STAU2: variants seen among roughly 807,000 people sequenced by gnomAD.
STAU2 encodes the protein double-stranded RNA-binding protein Staufen homolog 2.
A neutral mutation model predicts 65.9 loss-of-function variants in STAU2; 20 were observed. That is an observed-to-expected ratio of 0.30 (90% CI 0.21 to 0.44). The LOEUF is 0.44. Ranked by LOEUF, STAU2 falls within the 20% of genes least tolerant of loss-of-function variation. The pLI is 1.00. For synonymous variants in STAU2, 232 were observed against 233.9 expected (o/e 0.99, Z 0.07); for missense variants, 558 against 683.9 (o/e 0.82, Z 2.05).
intron 12 of STAU2, among the ~76,000 whole-genome samples, chr8:73,582,429 T>C (rs950038652): frequency 1.3e-4 from 20 of 150,062 alleles, no homozygotes; most frequent in Non-Finnish European, 2.8e-4. Context: ...TTTATTTTTA[T>C]TATAAAAATT....
chr8:73,593,955 G>C (rs1034705583), intron 11 of STAU2, among the ~76,000 whole-genome samples: 7 of 151,858 alleles, frequency 4.6e-5, no homozygotes, highest in Non-Finnish European at 1.0e-4. Context: ...CAGTGGTTAT[G>C]CAAAAAATGT....
intron 11 of STAU2, among the ~76,000 whole-genome samples, chr8:73,588,389 A>T (rs2128966127): frequency 6.6e-6 from 1 of 152,340 alleles, no homozygotes; most frequent in Middle Eastern, 3.4e-3. Context: ...AAAAACTGGG[A>T]GCTCCAGACA....
intron 6 of STAU2, among the ~76,000 whole-genome samples, chr8:73,623,143 C>G (rs1813386217): frequency 6.6e-6 from 1 of 152,232 alleles, no homozygotes; most frequent in East Asian, 1.9e-4. Flanking sequence ...ATTTTACATT[C>G]ACTTATATCT....
At chr8:73,569,781 G>C (rs1384202588) in intron 12 of STAU2, among the ~76,000 whole-genome samples, 1 of 152,074 alleles carries the variant, frequency 6.6e-6, no homozygotes, top group East Asian at 1.9e-4. Flanking sequence ...CAAACAGAAA[G>C]GACATCCACA....
chr8:73,512,753 T>C (rs1054848489), intron 13 of STAU2, among the ~76,000 whole-genome samples: 1 of 152,194 alleles, frequency 6.6e-6, no homozygotes, highest in Non-Finnish European at 1.5e-5. Flanking sequence ...AGCTACACGC[T>C]GATCTATCTT....
At chr8:73,448,298 C>CTTT (rs112124026) in intron 13 of STAU2, among the ~76,000 whole-genome samples, 8,622 of 149,724 alleles carry the variant, frequency 0.058, 373 homozygotes, top group African/African-American at 0.12. Context: ...AGATACAAGT[C>CTTT]TTTTTTTTTT....
chr8:73,436,688 G>A (rs1380994559), intron 13 of STAU2, among the ~76,000 whole-genome samples: 1 of 151,862 alleles, frequency 6.6e-6, no homozygotes, highest in Non-Finnish European at 1.5e-5. Context: ...CTGGGTTCAA[G>A]CAATTCTCCC....
At chr8:73,527,844 A>G in intron 13 of STAU2, 1 of 1,432,060 alleles carries the variant, frequency 7.0e-7, no homozygotes, top group East Asian at 2.5e-5. Context: ...CACCATTTTC[A>G]GAGGGGACAA....
chr8:73,445,359 C>CAAAACA (rs1333157036), intron 13 of STAU2, among the ~76,000 whole-genome samples: 39 of 151,938 alleles, frequency 2.6e-4, no homozygotes, highest in Admixed American at 2.0e-3. Flanking sequence ...AAGTACAAAG[C>CAAAACA]AAAACAAAAA....
At chr8:73,674,358 A>T (rs1817890855) in intron 5 of STAU2, among the ~76,000 whole-genome samples, 1 of 151,920 alleles carries the variant, frequency 6.6e-6, no homozygotes, top group African/African-American at 2.4e-5. Context: ...AAAAAACTGT[A>T]AAATAGCCAT....
chr8:73,428,851 T>G (rs142451175), intron 13 of STAU2, among the ~76,000 whole-genome samples: 94 of 152,276 alleles, frequency 6.2e-4, no homozygotes, highest in African/African-American at 2.1e-3. Context: ...GGGAGCAGCT[T>G]CAGCGTTTTA....
chr8:73,442,722 G>A (rs976621973), intron 13 of STAU2, among the ~76,000 whole-genome samples: 15 of 152,258 alleles, frequency 9.9e-5, no homozygotes, highest in African/African-American at 3.6e-4. Context: ...GAACTTGTAA[G>A]GTTAAAAGTA....
intron 3 of STAU2, among the ~76,000 whole-genome samples, chr8:73,714,113 C>T (rs1323216200): frequency 6.6e-6 from 1 of 152,094 alleles, no homozygotes; most frequent in South Asian, 2.1e-4. Flanking sequence ...ATATTGGTCA[C>T]GCTGGTCTCG....
chr8:73,741,300 G>A (rs1400251069), intron 1 of STAU2, among the ~76,000 whole-genome samples: 5 of 73,296 alleles, frequency 6.8e-5, no homozygotes, highest in East Asian at 5.1e-4. Flanking sequence ...GCAAGACTCC[G>A]TCTCAAAAAA....
At chr8:73,438,368 A>G (rs1817870414) in intron 13 of STAU2, among the ~76,000 whole-genome samples, 1 of 152,216 alleles carries the variant, frequency 6.6e-6, no homozygotes, top group South Asian at 2.1e-4. Flanking sequence ...TGAGGAAAGG[A>G]CATACAGCAA....
intron 13 of STAU2, among the ~76,000 whole-genome samples, chr8:73,502,976 C>A (rs530025927): frequency 6.6e-6 from 1 of 151,992 alleles, no homozygotes; most frequent in African/African-American, 2.4e-5. Flanking sequence ...TTGTAGAAAC[C>A]AGTGGGAAAA....
In STAU2 at chr8:73,746,819, T is replaced by C. The variant is rs1416430916; in HGVS notation, c.-233A>G. 14 of 1,228,372 alleles carry C rather than the reference T, an allele frequency of 1.1e-5. No individual in the cohort carries two copies. The highest frequency in any genetic ancestry group is 6.4e-5 in the East Asian group (2 of 31,408). 76.1% of individuals were successfully genotyped at this position (1,228,372 alleles called of 1,614,324 possible). A position where few individuals can be genotyped will look rare whatever the true frequency, so the allele number is the denominator to read the frequency against. On this transcript the variant is annotated 5_prime_UTR_variant, in exon 1 of 15. An upstream start codon of the reference 5' UTR is lost. Coordinates refer to ENST00000524300, the MANE Select transcript of STAU2 (RefSeq NM_001164380.2). ...GGACACTTTGCAGACGGCTCCAACA[T>C]TGGCAAACACTACAGAGAACTGACC... is the stretch of plus-strand genomic sequence containing the variant.
intron 13 of STAU2, among the ~76,000 whole-genome samples, chr8:73,423,288 C>T (rs1261620192): frequency 6.6e-6 from 1 of 152,116 alleles, no homozygotes; most frequent in Non-Finnish European, 1.5e-5. Context: ...GGCAGAGCCT[C>T]CCGAGGTGTT....
At chr8:73,739,519 TAC>T (rs1162389844) in intron 2 of STAU2, among the ~76,000 whole-genome samples, 2 of 152,166 alleles carry the variant, frequency 1.3e-5, no homozygotes, top group Non-Finnish European at 2.9e-5. Flanking sequence ...CACACATACA[TAC>T]ACAAACACAC....
Sources: allele counts gnomAD v4.1 joint callset (sites outside exome capture counted in the v4.1 genomes callset), GRCh38; gene constraint gnomAD v4.1.1; transcripts MANE v1.5; gene names NCBI Gene and HGNC (gene_info 2026-07-23, HGNC 2026-07-21).